HIVEP3: variants seen among roughly 807,000 people sequenced by gnomAD.
HIVEP3 encodes transcription factor HIVEP3.
In HIVEP3, 49 loss-of-function variants were observed where a neutral mutation model predicts 152.8. That is an observed-to-expected ratio of 0.32 (90% confidence interval 0.26 to 0.41). The LOEUF is 0.41. Ranked by LOEUF, HIVEP3 falls within the 10% of genes least tolerant of loss-of-function variation. The pLI is 1.00. For synonymous variants in HIVEP3, 1,269 were observed against 1,289.0 expected (o/e 0.98, Z 0.33); for missense variants, 2,790 against 3,103.3 (o/e 0.90, Z 2.40).
chr1:41,570,878 C>T (rs953832259), intron 5 of HIVEP3, among the ~76,000 whole-genome samples: 4 of 152,240 alleles, frequency 2.6e-5, no homozygotes, highest in African/African-American at 9.6e-5. Flanking sequence ...GTGAGCAACA[C>T]AGTCACCTTC....
chr1:41,683,768 A>G (rs2124095310), intron 2 of HIVEP3, among the ~76,000 whole-genome samples: 1 of 152,308 alleles, frequency 6.6e-6, no homozygotes, highest in Non-Finnish European at 1.5e-5. Flanking sequence ...GCAGCCTGGC[A>G]GAGGATAGAG....
At chr1:41,780,944 G>C (rs1049356775) in intron 1 of HIVEP3, among the ~76,000 whole-genome samples, 44 of 152,182 alleles carry the variant, frequency 2.9e-4, no homozygotes, top group African/African-American at 8.7e-4. Context: ...TTTGAATGAA[G>C]AGCAGGAGTA....
intron 5 of HIVEP3, among the ~76,000 whole-genome samples, chr1:41,558,731 C>G (rs1644008234): frequency 6.6e-6 from 1 of 152,206 alleles, no homozygotes; most frequent in African/African-American, 2.4e-5. Context: ...AGGGGAGGTG[C>G]CCAGCCTACC....
intron 5 of HIVEP3, chr1:41,542,402 C>A: frequency 6.5e-6 from 1 of 155,018 alleles, no homozygotes; most frequent in South Asian, 1.8e-4. Context: ...TCCCAGGACC[C>A]CCCCGCTGGA....
intron 1 of HIVEP3, among the ~76,000 whole-genome samples, chr1:41,992,202 T>C (rs1489377545): frequency 6.6e-6 from 1 of 151,520 alleles, no homozygotes; most frequent in African/African-American, 2.4e-5. Flanking sequence ...AAAGAGGAAG[T>C]CAAATTGTCC....
intron 5 of HIVEP3, among the ~76,000 whole-genome samples, chr1:41,529,800 AT>A (rs1643186349): frequency 1.4e-5 from 2 of 141,654 alleles, no homozygotes; most frequent in South Asian, 4.8e-4. Flanking sequence ...ATACATACAC[AT>A]AACCCCACAA....
chr1:41,674,462 C>T (rs761107711), intron 2 of HIVEP3, among the ~76,000 whole-genome samples: 6 of 152,062 alleles, frequency 3.9e-5, no homozygotes, highest in Admixed American at 2.0e-4. Context: ...ATTTCAAGGA[C>T]GTGGGATTCT....
intron 1 of HIVEP3, among the ~76,000 whole-genome samples, chr1:41,802,317 G>T (rs1204127180): frequency 6.6e-6 from 1 of 152,148 alleles, no homozygotes; most frequent in Admixed American, 6.5e-5. Flanking sequence ...CTGGGCTCAA[G>T]AGATCCTCCC....
At chr1:41,622,766 G>A (rs1645064731) in intron 3 of HIVEP3, among the ~76,000 whole-genome samples, 1 of 152,208 alleles carries the variant, frequency 6.6e-6, no homozygotes, top group African/African-American at 2.4e-5. Flanking sequence ...GGATGTGCTG[G>A]AGCAGGCAAG....
chr1:41,528,138 CCA>C (rs1206022822), intron 5 of HIVEP3, among the ~76,000 whole-genome samples: 2 of 140,790 alleles, frequency 1.4e-5, no homozygotes. Context: ...CCTTCATACT[CCA>C]CACCCCTACA....
intron 1 of HIVEP3, among the ~76,000 whole-genome samples, chr1:41,755,968 G>C (rs777298972): frequency 1.8e-4 from 28 of 152,228 alleles, no homozygotes; most frequent in Non-Finnish European, 2.9e-4. Flanking sequence ...AGACCTGACA[G>C]TAATACTCCT....
chr1:41,643,735 C>T (rs6677584), intron 2 of HIVEP3, among the ~76,000 whole-genome samples: 1,863 of 152,106 alleles, frequency 0.012, 43 homozygotes, highest in African/African-American at 0.043. Flanking sequence ...AACCTGGAGA[C>T]GGACAGAGGT....
chr1:41,705,523 G>A (rs1380988515), intron 1 of HIVEP3, among the ~76,000 whole-genome samples: 1 of 152,180 alleles, frequency 6.6e-6, no homozygotes, highest in Non-Finnish European at 1.5e-5. Flanking sequence ...ATGTGAGGAA[G>A]GTTAAGGAAC....
intron 3 of HIVEP3, among the ~76,000 whole-genome samples, chr1:41,592,230 G>A (rs1016515060): frequency 6.6e-5 from 10 of 152,274 alleles, no homozygotes; most frequent in African/African-American, 1.9e-4. Context: ...CCATGGGTCC[G>A]GTAACCTGTG....
intron 1 of HIVEP3, among the ~76,000 whole-genome samples, chr1:42,032,786 C>T (rs532580994): frequency 1.3e-5 from 2 of 152,298 alleles, no homozygotes; most frequent in East Asian, 3.9e-4. Context: ...CTGCTGGTCT[C>T]AGCCTGGATC....
intron 5 of HIVEP3, among the ~76,000 whole-genome samples, chr1:41,573,178 C>A (rs962041324): frequency 6.6e-6 from 1 of 152,168 alleles, no homozygotes; most frequent in African/African-American, 2.4e-5. Context: ...AGAACTGAGT[C>A]TAAGGCAAAA....
chr1:41,811,096 GAT>G lies in HIVEP3; in HGVS notation c.-801+107315_-801+107316del, dbSNP rs1491221539. On this transcript the variant is annotated intron_variant, in intron 1 of 8. Coordinates refer to ENST00000372583, the MANE Select transcript of HIVEP3 (RefSeq NM_024503.5). ...ATTGGCCTGAGTCCTCCAATGACCA[GAT>G]TTTTTTTTTTTTTGTACCTAATGCA... Among the ~76,000 whole-genome samples the G allele has an allele frequency of 1.2e-4, 15 of 124,694 alleles. 1 individual carries two copies. Among genetic ancestry groups the G allele is most frequent in the African/African-American group, 4.7e-4 (13 of 27,406 alleles). The allele number at this position is 124,694 out of a possible 152,430, so 81.8% of individuals were successfully genotyped here.
rs550294734 is a variant in HIVEP3, at chr1:41,660,709, G to A, written c.-720-31762C>T. Reference sequence around the variant, plus strand: ...AAGCCTACTAACTTGAAAAGGGCCCGCAACTAGAAAAAAAATGCTGGGTTG... The same window carrying A: ...AAGCCTACTAACTTGAAAAGGGCCCACAACTAGAAAAAAAATGCTGGGTTG... On this transcript the variant is annotated intron_variant, in intron 2 of 8. Transcript: ENST00000372583. Among the ~76,000 whole-genome samples the A allele has an allele frequency of 7.9e-5, 12 of 152,222 alleles. No individual in the cohort carries two copies. The East Asian group carries it at 1.2e-3, about 15-fold the overall frequency.
chr1:41,816,221 T>C (rs1176700707), intron 1 of HIVEP3, among the ~76,000 whole-genome samples: 2 of 152,178 alleles, frequency 1.3e-5, no homozygotes, highest in Non-Finnish European at 1.5e-5. Context: ...GTTGCCAGCA[T>C]TGAACAGAAA....
Sources: allele counts gnomAD v4.1 joint callset (sites outside exome capture counted in the v4.1 genomes callset), GRCh38; gene constraint gnomAD v4.1.1; transcripts MANE v1.5; gene names NCBI Gene and HGNC (gene_info 2026-07-23, HGNC 2026-07-21).